The following GRID2 variants were observed in gnomAD, a reference collection of about 807,000 sequenced individuals.
The protein encoded by GRID2 is glutamate ionotropic receptor delta type subunit 2, also known as glutamate receptor ionotropic, delta-2.
A neutral mutation model predicts 114.8 loss-of-function variants in GRID2; 33 were observed. The ratio of observed to expected loss-of-function variants is 0.29; its 90% confidence interval spans 0.22 to 0.38. The LOEUF is 0.38. GRID2 is among the 10% of genes least tolerant of loss of function. GRID2 has a pLI of 1.00. For synonymous variants in GRID2, 505 were observed against 449.9 expected (o/e 1.12, Z -1.55); for missense variants, 1,184 against 1,257.7 (o/e 0.94, Z 0.89).
intron 1 of GRID2, among the ~76,000 whole-genome samples, chr4:92,455,355 A>T (rs1721156835): frequency 6.6e-6 from 1 of 152,156 alleles, no homozygotes; most frequent in Non-Finnish European, 1.5e-5. Context: ...TTCAGAGAAA[A>T]TCTTATTTTC....
At chr4:92,699,077 GA>G (rs756576536) in intron 2 of GRID2, among the ~76,000 whole-genome samples, 48 of 151,326 alleles carry the variant, frequency 3.2e-4, no homozygotes, top group African/African-American at 1.0e-3. Context: ...TTATAAATAA[GA>G]AAAAAAACAG....
downstream of GRID2, among the ~76,000 whole-genome samples, chr4:93,779,020 T>C (rs113203703): frequency 2.6e-5 from 4 of 152,276 alleles, no homozygotes; most frequent in East Asian, 5.8e-4. Flanking sequence ...GGAAAGATCA[T>C]AGTAAAAATG....
chr4:93,689,461 C>A (rs1409063492), intron 14 of GRID2, among the ~76,000 whole-genome samples: 1 of 152,000 alleles, frequency 6.6e-6, no homozygotes, highest in Non-Finnish European at 1.5e-5. Context: ...AAATCATTAA[C>A]AAATAAATTT....
chr4:92,974,115 T>C (rs1389365505), intron 2 of GRID2, among the ~76,000 whole-genome samples: 2 of 152,094 alleles, frequency 1.3e-5, no homozygotes, highest in Non-Finnish European at 2.9e-5. Context: ...ATTGGAGAAA[T>C]GCAAATCAAA....
At chr4:92,941,709 GC>G (rs1435669686) in intron 2 of GRID2, among the ~76,000 whole-genome samples, 1 of 152,150 alleles carries the variant, frequency 6.6e-6, no homozygotes, top group African/African-American at 2.4e-5. Flanking sequence ...GGCATTGAGT[GC>G]TGCAAATTTC....
At chr4:93,408,051 G>C (rs574987803) in intron 9 of GRID2, among the ~76,000 whole-genome samples, 5 of 152,202 alleles carry the variant, frequency 3.3e-5, no homozygotes, top group Admixed American at 2.0e-4. Context: ...CAAGACCATG[G>C]TCAGTAAAGT....
intron 8 of GRID2, among the ~76,000 whole-genome samples, chr4:93,316,327 AGAAAGAAAGAAAGAAG>A (rs1258543472): frequency 2.5e-4 from 12 of 48,128 alleles, no homozygotes; most frequent in African/African-American, 7.0e-4. Context: ...AAAGAAAGAA[AGAAAGAAAGAAAGAAG>A]GAAGGAAGGA....
chr4:93,570,814 A>G (rs1342540833), intron 13 of GRID2, among the ~76,000 whole-genome samples: 2 of 152,176 alleles, frequency 1.3e-5, no homozygotes, highest in African/African-American at 4.8e-5. Context: ...CATCTTATGG[A>G]TTTAGTTTGA....
At chr4:92,915,193 C>T (rs1008748148) in intron 2 of GRID2, among the ~76,000 whole-genome samples, 1 of 152,202 alleles carries the variant, frequency 6.6e-6, no homozygotes, top group South Asian at 2.1e-4. Context: ...AGGGGGAAAC[C>T]GCCCCCATTA....
intron 1 of GRID2, among the ~76,000 whole-genome samples, chr4:93,794,807 T>G (rs559567043): frequency 6.6e-6 from 1 of 152,336 alleles, no homozygotes; most frequent in African/African-American, 2.4e-5. Flanking sequence ...CACAATTCCT[T>G]GCATCTGTTG....
At chr4:92,657,070 T>C (rs1446153165) in intron 2 of GRID2, among the ~76,000 whole-genome samples, 1 of 151,708 alleles carries the variant, frequency 6.6e-6, no homozygotes, top group Non-Finnish European at 1.5e-5. Flanking sequence ...CTTAATACTT[T>C]TACTGTTGCT....
rs1010402034 is a variant in GRID2 at position 92,481,608 on chromosome 4, C to G, written c.89-108523C>G. ...CATCATAAAATTTTCATCAGTATAG[C>G]CTTGTAGTATAGATTAAAGTTAGGT... On this transcript the variant is annotated intron_variant, in intron 1 of 15. Coordinates refer to ENST00000282020, the MANE Select transcript of GRID2 (RefSeq NM_001510.4). 3.3e-5 allele frequency among the ~76,000 whole-genome samples: 5 copies of G among 152,062 alleles called. No homozygotes were observed. The South Asian group carries it at 1.0e-3, about 32-fold the overall frequency.
intron 12 of GRID2, among the ~76,000 whole-genome samples, chr4:93,513,386 G>T (rs1729383770): frequency 1.3e-5 from 2 of 152,056 alleles, no homozygotes; most frequent in South Asian, 4.1e-4. Flanking sequence ...GCAGTAAATT[G>T]CTCTCTTGAA....
intron 11 of GRID2, among the ~76,000 whole-genome samples, chr4:93,457,742 A>G (rs1038825491): frequency 5.3e-5 from 8 of 152,122 alleles, no homozygotes; most frequent in African/African-American, 1.4e-4. Context: ...AAAAGGAGAT[A>G]AAGTTTTATC....
chr4:93,724,271 T>C (rs1729642494), intron 14 of GRID2, among the ~76,000 whole-genome samples: 1 of 152,140 alleles, frequency 6.6e-6, no homozygotes, highest in Non-Finnish European at 1.5e-5. Flanking sequence ...ATTGTCATCT[T>C]CCTGAGGTGG....
chr4:92,547,774 G>C (rs17019548), intron 1 of GRID2, among the ~76,000 whole-genome samples: 1 of 151,700 alleles, frequency 6.6e-6, no homozygotes, highest in South Asian at 2.1e-4. Flanking sequence ...TAAGTAGGGA[G>C]GATTTAAATG....
At chr4:92,468,994 G>C (rs1004979451) in intron 1 of GRID2, among the ~76,000 whole-genome samples, 2 of 152,144 alleles carry the variant, frequency 1.3e-5, no homozygotes, top group African/African-American at 2.4e-5. Flanking sequence ...ACACATTTCT[G>C]AGTGGAAGTA....
At chr4:92,781,638 T>C (rs1036536611) in intron 2 of GRID2, among the ~76,000 whole-genome samples, 1 of 152,110 alleles carries the variant, frequency 6.6e-6, no homozygotes, top group Non-Finnish European at 1.5e-5. Flanking sequence ...TAACTATGTA[T>C]ATATGTTATA....
chr4:92,663,786 T>G (rs1168912578), intron 2 of GRID2, among the ~76,000 whole-genome samples: 2 of 151,004 alleles, frequency 1.3e-5, no homozygotes, highest in Middle Eastern at 3.2e-3. Context: ...CCCATTAAAC[T>G]AAATCTCTAT....
Sources: gnomAD v4.1 joint callset for allele counts (sites outside exome capture counted in the v4.1 genomes callset) on GRCh38, gnomAD v4.1.1 for gene constraint, MANE v1.5 for transcripts, NCBI Gene and HGNC (gene_info 2026-07-23, HGNC 2026-07-21) for gene names.